The following AKIRIN2 variants were observed in gnomAD, a reference collection of about 807,000 sequenced individuals.
The protein encoded by AKIRIN2 is akirin 2.
AKIRIN2 carries 6 observed loss-of-function variants against 29.3 expected under a neutral mutation model. The ratio of observed to expected loss-of-function variants is 0.20; its 90% CI spans 0.11 to 0.40. The LOEUF (loss-of-function observed/expected upper bound fraction) is 0.40. Ranked by LOEUF, AKIRIN2 falls within the 10% of genes least tolerant of loss-of-function variation. The pLI, the probability that AKIRIN2 is intolerant of heterozygous loss-of-function variation, is 1.00. For synonymous variants in AKIRIN2, 128 were observed against 117.5 expected (o/e 1.09, Z -0.58); for missense variants, 210 against 276.1 (o/e 0.76, Z 1.70).
Position 87,678,516 on chromosome 6 carries a change from C to CA in AKIRIN2, c.380-550dup, listed in dbSNP as rs1359797565. On this transcript the variant is annotated intron_variant, in intron 2 of 4. Transcript: ENST00000257787. ...AAACTCCATCTCAAAAAAATAAAAA[C>CA]AAAAAATTAAAAATTAAATTTAAAA... 1.3e-5 allele frequency among the ~76,000 whole-genome samples: 2 copies of CA among 151,580 alleles called. 1 individual carries two copies. The highest frequency in any genetic ancestry group is 2.9e-5 in the Non-Finnish European group (2 of 67,828).
At chr6:87,678,473 G>C (rs1379037808) in intron 2 of AKIRIN2, among the ~76,000 whole-genome samples, 1 of 152,082 alleles carries the variant, frequency 6.6e-6, no homozygotes, top group East Asian at 1.9e-4. Context: ...TTGCACTCCA[G>C]CCTGGGCAAA....
chr6:87,698,400 A>G (rs565158344), intron 1 of AKIRIN2, among the ~76,000 whole-genome samples: 36 of 152,064 alleles, frequency 2.4e-4, no homozygotes, highest in African/African-American at 8.7e-4. Flanking sequence ...GAATGAGCAC[A>G]GCTGTGTTCC....
intron 1 of AKIRIN2, among the ~76,000 whole-genome samples, chr6:87,687,775 GTTGCTATTGTTATGTAGCTCTTAACTAC>G (rs1771211878): frequency 1.3e-5 from 2 of 152,284 alleles, no homozygotes; most frequent in South Asian, 2.1e-4. Flanking sequence ...CATTAACCTT[GTTGCTATTGTTATGTAGCTCTTAACTAC>G]TTTTAAGTAT....
intron 1 of AKIRIN2, among the ~76,000 whole-genome samples, chr6:87,683,650 TTTTTC>T (rs1217072257): frequency 3.9e-5 from 6 of 151,952 alleles, no homozygotes; most frequent in South Asian, 4.2e-4. Flanking sequence ...ATCTAAAGGG[TTTTTC>T]TTTTCTTTTC....
At chr6:87,681,113 C>T (rs548661766) in intron 2 of AKIRIN2, among the ~76,000 whole-genome samples, 1 of 152,250 alleles carries the variant, frequency 6.6e-6, no homozygotes, top group East Asian at 1.9e-4. Flanking sequence ...TCTCAGCTCA[C>T]TGCAACCTCC....
At chr6:87,680,815 TCCC>T (rs1771109197) in intron 2 of AKIRIN2, among the ~76,000 whole-genome samples, 2 of 122,312 alleles carry the variant, frequency 1.6e-5, no homozygotes, top group African/African-American at 6.3e-5. Context: ...TTGCAAACAT[TCCC>T]CCCAACAAAA....
At chr6:87,691,390 G>A (rs151202938) in intron 1 of AKIRIN2, among the ~76,000 whole-genome samples, 2,669 of 142,704 alleles carry the variant, frequency 0.019, 86 homozygotes, top group African/African-American at 0.064. Context: ...GCAGTGAGCC[G>A]AGATCGCACC....
At chr6:87,682,197 T>C (rs1771131486) in intron 1 of AKIRIN2, among the ~76,000 whole-genome samples, 1 of 152,144 alleles carries the variant, frequency 6.6e-6, no homozygotes, top group African/African-American at 2.4e-5. Flanking sequence ...GCTTGGGAGA[T>C]TATGTATATT....
Position 87,675,376 on chromosome 6 carries a change from C to G in AKIRIN2, c.*221G>C. The G allele has an allele frequency of 1.8e-6, 1 of 563,996 alleles. No individual in the cohort carries two copies. The highest frequency in any genetic ancestry group is 3.2e-6 in the Non-Finnish European group (1 of 313,996). The allele number at this position is 563,996 out of a possible 1,614,324, so 34.9% of individuals were successfully genotyped here. On this transcript the variant is annotated 3_prime_UTR_variant, in exon 5 of 5. Transcript: ENST00000257787. The stretch of plus-strand genomic sequence containing the variant: ...GTAATGATACAGCAAAATGAGGCCA[C>G]TGGTATTAATACAGGTAGCAAAGGT...
intron 1 of AKIRIN2, among the ~76,000 whole-genome samples, chr6:87,682,558 C>CCAGA (rs1771136485): frequency 6.6e-6 from 1 of 152,150 alleles, no homozygotes; most frequent in Non-Finnish European, 1.5e-5. Flanking sequence ...TCTGGCCCCT[C>CCAGA]CAGAAAATCC....
At chr6:87,697,286 CTGAG>C (rs1184226981) in intron 1 of AKIRIN2, among the ~76,000 whole-genome samples, 2 of 148,100 alleles carry the variant, frequency 1.4e-5, no homozygotes, top group South Asian at 2.2e-4. Flanking sequence ...GCACTCCAGC[CTGAG>C]TAAGACTTTG....
rs1438227589 is a variant in AKIRIN2, at chr6:87,676,595, A to AC, written c.530-665_530-664insG. 8.0e-5 allele frequency among the ~76,000 whole-genome samples: 6 copies of AC among 74,610 alleles called. No homozygotes were observed. In the East Asian group the frequency reaches 1.5e-3, roughly 19 times the overall value. 48.9% of individuals were successfully genotyped at this position (74,610 alleles called of 152,430 possible). ...CATGGTGAAACCCCGTCTCTACTAA[A>AC]AACACACACACACACACACACACAC... On this transcript the variant is annotated intron_variant, in intron 3 of 4. Coordinates refer to ENST00000257787, the MANE Select transcript of AKIRIN2 (RefSeq NM_018064.4).
chr6:87,702,182 G>A lies in AKIRIN2; in HGVS notation c.-498C>T, dbSNP rs1313165233. 10 of 398,288 alleles carry A rather than the reference G, an allele frequency of 2.5e-5. No individual in the cohort carries two copies. In the Admixed American group the frequency reaches 2.6e-4, roughly 11 times the overall value. 24.7% of individuals were successfully genotyped at this position (398,288 alleles called of 1,614,324 possible). ...GAGAGATTGCGAGGTAGCTGCCGCA[G>A]CAGGAACCCAAGCGAACACGTCCAA... On this transcript the variant is annotated 5_prime_UTR_variant, in exon 1 of 5. Coordinates refer to ENST00000257787, the MANE Select transcript of AKIRIN2 (RefSeq NM_018064.4).
At chr6:87,678,373 G>C (rs1283358528) in intron 2 of AKIRIN2, among the ~76,000 whole-genome samples, 1 of 151,770 alleles carries the variant, frequency 6.6e-6, no homozygotes, top group Non-Finnish European at 1.5e-5. Context: ...ATGGTGGCGG[G>C]CACCTGTAAT....
chr6:87,688,176 G>T (rs1233201576), intron 1 of AKIRIN2, among the ~76,000 whole-genome samples: 2 of 152,054 alleles, frequency 1.3e-5, no homozygotes, highest in Admixed American at 6.5e-5. Flanking sequence ...CTGTCGCCCA[G>T]GCTGTAGTGC....
Position 87,681,752 on chromosome 6 carries a change from A to G in AKIRIN2, c.247T>C (p.Tyr83His). Reference protein sequence around the residue: ...SSRLTTEQILYNIKQEYKRMQ... With the variant: ...SSRLTTEQILHNIKQEYKRMQ... ...CGTTTATACTCTTGTTTTATGTTGT[A>G]CAGAATTTGTTCTAAAATAAAAAAG... The change falls in exon 2 of 5, where the codon TAC becomes CAC. Residue 83 changes from tyrosine (Y) to histidine (H), a missense_variant. Tyr to His is a moderately conservative substitution (Grantham distance 83). Around this residue, in one of 2 missense-constraint regions of AKIRIN2, gnomAD observed 199 missense variants for 236.5 expected, o/e 0.84. Transcript: ENST00000257787. 1 of 1,584,972 alleles carries G rather than the reference A, an allele frequency of 6.3e-7. No individual in the cohort carries two copies. The highest frequency in any genetic ancestry group is 8.5e-7 in the Non-Finnish European group (1 of 1,170,374).
intron 2 of AKIRIN2, among the ~76,000 whole-genome samples, chr6:87,679,388 G>A (rs1310033440): frequency 6.6e-6 from 1 of 151,986 alleles, no homozygotes; most frequent in Non-Finnish European, 1.5e-5. Context: ...GCTGGGAGTG[G>A]TGGCACGTGC....
In AKIRIN2 at chr6:87,677,948, G is replaced by A. The variant is rs372441750; in HGVS notation, c.399C>T (p.Ser133=). ...AGGGCTGTTCTTTTTTTAATGGTGAGGATGCTGCAGATGAAGTCCCTATGT... is the reference window on the plus strand; with the variant it reads ...AGGGCTGTTCTTTTTTTAATGGTGAAGATGCTGCAGATGAAGTCCCTATGT... The part of the protein sequence containing the change: ...PASPGTSSAA[S]SPLKKEQPLF... Residue 133 remains serine, a synonymous_variant, in exon 3 of 5, where the codon TCC becomes TCT. Coordinates refer to ENST00000257787, the MANE Select transcript of AKIRIN2 (RefSeq NM_018064.4). 24 of 1,613,582 alleles carry A rather than the reference G, an allele frequency of 1.5e-5. No homozygotes were observed. Among genetic ancestry groups the A allele is most frequent in the African/African-American group, 2.7e-5 (2 of 74,870 alleles).
intron 2 of AKIRIN2, among the ~76,000 whole-genome samples, chr6:87,680,539 G>A (rs913366320): frequency 2.6e-5 from 4 of 152,016 alleles, no homozygotes; most frequent in African/African-American, 9.6e-5. Flanking sequence ...CCAAAGTGCT[G>A]GGATTACAGG....
Sources: gnomAD v4.1 joint callset for allele counts (sites outside exome capture counted in the v4.1 genomes callset) on GRCh38, gnomAD v4.1.1 for gene constraint, gnomAD v4.1.1 regional missense constraint, MANE v1.5 for transcripts, NCBI Gene and HGNC (gene_info 2026-07-23, HGNC 2026-07-21) for gene names.